ENTREP2: variants seen among roughly 807,000 people sequenced by gnomAD.
The protein encoded by ENTREP2 is protein ENTREP2.
the ENTREP2 span, among the ~76,000 whole-genome samples, chr15:29,591,516 T>C: frequency 6.6e-6 from 1 of 152,158 alleles, no homozygotes; most frequent in Non-Finnish European, 1.5e-5. Context: ...TGTGTCTTTA[T>C]TTTGAAATAG....
the ENTREP2 span, among the ~76,000 whole-genome samples, chr15:29,674,133 G>GGGA: frequency 6.7e-6 from 1 of 148,690 alleles, no homozygotes; most frequent in Non-Finnish European, 1.5e-5. Flanking sequence ...GAGGATGGGG[G>GGGA]GGGGGGGGGG....
At chr15:29,568,797 C>T in the ENTREP2 span, among the ~76,000 whole-genome samples, 4 of 150,124 alleles carry the variant, frequency 2.7e-5, no homozygotes, top group African/African-American at 9.8e-5. Flanking sequence ...AACTGTTTTA[C>T]ACATTTATTT....
chr15:29,557,832 C>T, the ENTREP2 span, among the ~76,000 whole-genome samples: 1 of 152,216 alleles, frequency 6.6e-6, no homozygotes, highest in Non-Finnish European at 1.5e-5. Flanking sequence ...TCACTGGGAA[C>T]TCTCAGGAAT....
At chr15:29,203,968 T>C in the ENTREP2 span, among the ~76,000 whole-genome samples, 2 of 152,220 alleles carry the variant, frequency 1.3e-5, no homozygotes, top group African/African-American at 4.8e-5. Context: ...CTGGAAAGCA[T>C]GATTTATCAA....
chr15:29,339,130 G>A, the ENTREP2 span, among the ~76,000 whole-genome samples: 1 of 152,250 alleles, frequency 6.6e-6, no homozygotes, highest in African/African-American at 2.4e-5. Flanking sequence ...TTGGTCCAGT[G>A]ATGTGCTACT....
At chr15:29,145,991 T>C in the ENTREP2 span, among the ~76,000 whole-genome samples, 1 of 152,226 alleles carries the variant, frequency 6.6e-6, no homozygotes, top group Non-Finnish European at 1.5e-5. Context: ...ATATAAAAAA[T>C]CATTTGTATT....
the ENTREP2 span, among the ~76,000 whole-genome samples, chr15:29,303,658 G>GA: frequency 1.2e-5 from 1 of 86,372 alleles, no homozygotes; most frequent in Non-Finnish European, 2.2e-5. Context: ...CCTCCACCCT[G>GA]AAGTAGGCCC....
the ENTREP2 span, among the ~76,000 whole-genome samples, chr15:29,292,337 CTCCTTCCTTCTT>C: frequency 5.5e-3 from 828 of 150,580 alleles, 19 homozygotes; most frequent in Admixed American, 0.037. Flanking sequence ...ATATATGAAT[CTCCTTCCTTCTT>C]TCCTTCCTTC....
At chr15:29,284,556 C>CAAAAAAA in the ENTREP2 span, among the ~76,000 whole-genome samples, 1 of 125,486 alleles carries the variant, frequency 8.0e-6, no homozygotes. Flanking sequence ...GACTCCATCT[C>CAAAAAAA]AAAAAAAAAA....
At chr15:29,472,706 C>T in the ENTREP2 span, among the ~76,000 whole-genome samples, 1 of 152,126 alleles carries the variant, frequency 6.6e-6, no homozygotes, top group African/African-American at 2.4e-5. Flanking sequence ...CTCATGTGAT[C>T]CATCTGCCTT....
the ENTREP2 span, among the ~76,000 whole-genome samples, chr15:29,401,932 A>G: frequency 1.3e-5 from 2 of 152,328 alleles, no homozygotes; most frequent in South Asian, 4.1e-4. Context: ...TGCATTTACT[A>G]CATAAACATT....
chr15:29,206,955 C>T, the ENTREP2 span, among the ~76,000 whole-genome samples: 1 of 152,160 alleles, frequency 6.6e-6, no homozygotes, highest in African/African-American at 2.4e-5. Context: ...ATCAAAACTA[C>T]CTTCACCACT....
the ENTREP2 span, among the ~76,000 whole-genome samples, chr15:29,365,088 C>T: frequency 6.6e-6 from 1 of 152,140 alleles, no homozygotes; most frequent in African/African-American, 2.4e-5. Context: ...TCTTTCCCAA[C>T]CTGTGACAAC....
At chr15:29,455,642 G>C in the ENTREP2 span, among the ~76,000 whole-genome samples, 1 of 152,160 alleles carries the variant, frequency 6.6e-6, no homozygotes, top group East Asian at 1.9e-4. Flanking sequence ...TTAGAATCCA[G>C]AGCAGGGGCT....
chr15:29,636,086 A>T, the ENTREP2 span, among the ~76,000 whole-genome samples: 2 of 152,330 alleles, frequency 1.3e-5, no homozygotes, highest in African/African-American at 4.8e-5. Flanking sequence ...AAGAAAGAGA[A>T]ACTCTGCCTG....
the ENTREP2 span, among the ~76,000 whole-genome samples, chr15:29,472,428 AACACACAC>A: frequency 3.4e-3 from 480 of 140,704 alleles, 3 homozygotes; most frequent in African/African-American, 0.01. Flanking sequence ...CACAACACAC[AACACACAC>A]ACACACACAC....
At chr15:29,254,840 G>A in the ENTREP2 span, among the ~76,000 whole-genome samples, 8 of 152,226 alleles carry the variant, frequency 5.3e-5, no homozygotes, top group African/African-American at 1.2e-4. Context: ...GCGAGACTCC[G>A]TCAAAACAAA....
At chr15:29,272,885 ACT>A in the ENTREP2 span, among the ~76,000 whole-genome samples, 51 of 152,270 alleles carry the variant, frequency 3.3e-4, no homozygotes, top group Admixed American at 3.3e-3. Flanking sequence ...TCTTCCATAG[ACT>A]GGCCAGAACT....
the ENTREP2 span, among the ~76,000 whole-genome samples, chr15:29,425,897 C>T: frequency 1.3e-5 from 2 of 151,714 alleles, no homozygotes; most frequent in African/African-American, 4.8e-5. Context: ...ACAATTCAAA[C>T]TTAACTTTAT....
Sources: gnomAD v4.1 joint callset for allele counts (sites outside exome capture counted in the v4.1 genomes callset) on GRCh38, gnomAD v4.1.1 for gene constraint, MANE v1.5 for transcripts, NCBI Gene and HGNC (gene_info 2026-07-23, HGNC 2026-07-21) for gene names.